Variants in CPNE8 observed in about 807,000 individuals in gnomAD.
The protein encoded by CPNE8 is copine-8.
Under a neutral mutation model 81.5 loss-of-function variants are expected in CPNE8, and 45 were observed. That is an observed-to-expected ratio of 0.55 (90% CI 0.44 to 0.71). The LOEUF (loss-of-function observed/expected upper bound fraction) is 0.71. CPNE8 is among the 30% of genes least tolerant of loss of function. The pLI is 0.00. For missense variants in CPNE8, 594 were observed against 672.1 expected (o/e 0.88, Z 1.28); for synonymous variants, 252 against 226.3 (o/e 1.11, Z -1.02).
At chr12:38,694,392 T>G (rs1181919302) in intron 14 of CPNE8, among the ~76,000 whole-genome samples, 1 of 152,194 alleles carries the variant, frequency 6.6e-6, no homozygotes, top group Non-Finnish European at 1.5e-5. Flanking sequence ...AATGAGACAT[T>G]AAGCTAGGAG....
At chr12:38,756,474 C>T in intron 10 of CPNE8, among the ~76,000 whole-genome samples, 1 of 151,594 alleles carries the variant, frequency 6.6e-6, no homozygotes, top group Admixed American at 6.6e-5. Flanking sequence ...CTGCCTCAGT[C>T]TCCCGAGTAG....
chr12:38,807,947 T>A (rs987167157), intron 6 of CPNE8, among the ~76,000 whole-genome samples: 2 of 151,852 alleles, frequency 1.3e-5, no homozygotes, highest in African/African-American at 4.8e-5. Context: ...GCAAAGGATA[T>A]GAACAGACAC....
chr12:38,798,617 A>C (rs1942567674), intron 6 of CPNE8, among the ~76,000 whole-genome samples: 2 of 152,176 alleles, frequency 1.3e-5, no homozygotes, highest in South Asian at 4.1e-4. Flanking sequence ...AAGACCATCG[A>C]GACTAGGAAG....
chr12:38,849,720 C>G (rs183759218), intron 3 of CPNE8, among the ~76,000 whole-genome samples: 1 of 152,194 alleles, frequency 6.6e-6, no homozygotes, highest in Non-Finnish European at 1.5e-5. Context: ...TTTTATATCA[C>G]AGACCAATAT....
chr12:38,740,319 A>G (rs1364779402), intron 10 of CPNE8, among the ~76,000 whole-genome samples: 1 of 152,170 alleles, frequency 6.6e-6, no homozygotes, highest in Non-Finnish European at 1.5e-5. Flanking sequence ...GAGGTTTTCT[A>G]GATATACAGT....
At chr12:38,683,107 T>G (rs1327833828) in intron 16 of CPNE8, among the ~76,000 whole-genome samples, 1 of 152,126 alleles carries the variant, frequency 6.6e-6, no homozygotes, top group African/African-American at 2.4e-5. Context: ...TGTTACCTCA[T>G]TAATATTACC....
rs1005206440 is a variant in CPNE8, at chr12:38,652,808, T to C, written c.*1074A>G. ...GGACAGGCAGGTCAGTATATAGGAG[T>C]AGGTTATTTCACAAATGTGTTGTGC... On this transcript the variant is annotated 3_prime_UTR_variant, in exon 20 of 20. Transcript: ENST00000331366. 3.3e-5 allele frequency: 5 copies of C among 152,428 alleles called. No homozygotes were observed. Among genetic ancestry groups the C allele is most frequent in the African/African-American group, 1.2e-4 (5 of 41,416 alleles). 9.4% of individuals were successfully genotyped at this position (152,428 alleles called of 1,614,324 possible).
intron 19 of CPNE8, among the ~76,000 whole-genome samples, chr12:38,659,607 C>T (rs1254622864): frequency 6.6e-6 from 1 of 152,194 alleles, no homozygotes; most frequent in African/African-American, 2.4e-5. Flanking sequence ...CTTCTCAGCA[C>T]CACATCGCAC....
chr12:38,728,375 C>A (rs1488060088), intron 11 of CPNE8, among the ~76,000 whole-genome samples: 2 of 151,898 alleles, frequency 1.3e-5, no homozygotes, highest in South Asian at 2.1e-4. Flanking sequence ...CAGAAAATAT[C>A]AAAAATGAAT....
chr12:38,773,498 A>T lies in CPNE8; in HGVS notation c.471+2740T>A, dbSNP rs1420094059. 1.6e-4 allele frequency among the ~76,000 whole-genome samples: 25 copies of T among 152,008 alleles called. 1 individual carries two copies. The highest frequency in any genetic ancestry group is 4.4e-5 in the Non-Finnish European group (3 of 67,930). On this transcript the variant is annotated intron_variant, in intron 7 of 19. Transcript: ENST00000331366. ...CCAATTATACCTAATAAACTGGTTT[A>T]AAAAAATTGTCATTTTACAAATGCA...
At chr12:38,665,773 G>A (rs1412908268) in intron 19 of CPNE8, among the ~76,000 whole-genome samples, 4 of 152,096 alleles carry the variant, frequency 2.6e-5, no homozygotes, top group South Asian at 2.1e-4. Context: ...AAGCCTTTAC[G>A]TATATTGACT....
At chr12:38,760,969 T>C in intron 9 of CPNE8, 81 bp from the exon 10 acceptor site, 2 of 1,107,000 alleles carry the variant, frequency 1.8e-6, no homozygotes, top group Non-Finnish European at 2.6e-6. Context: ...AAATAAGTTG[T>C]TTTTCTTAGA....
chr12:38,760,192 C>A (rs1941543836), intron 10 of CPNE8, among the ~76,000 whole-genome samples: 1 of 151,958 alleles, frequency 6.6e-6, no homozygotes, highest in African/African-American at 2.4e-5. Context: ...CAGTCTAGGG[C>A]AAAATGGGAT....
At chr12:38,838,197 T>C (rs887561595) in intron 5 of CPNE8, among the ~76,000 whole-genome samples, 2 of 152,124 alleles carry the variant, frequency 1.3e-5, no homozygotes, top group African/African-American at 2.4e-5. Context: ...ACAGAAACTA[T>C]ATTCAGGGAG....
intron 7 of CPNE8, among the ~76,000 whole-genome samples, chr12:38,771,426 A>G (rs1361535386): frequency 6.6e-6 from 1 of 152,136 alleles, no homozygotes; most frequent in African/African-American, 2.4e-5. Context: ...AAATTGTGCC[A>G]CTGCACTTCA....
At chr12:38,773,711 AAAT>A (rs1941859620) in intron 7 of CPNE8, among the ~76,000 whole-genome samples, 1 of 152,162 alleles carries the variant, frequency 6.6e-6, no homozygotes, top group African/African-American at 2.4e-5. Flanking sequence ...TCAACATTAT[AAAT>A]AATAATGCCC....
chr12:38,854,516 A>C (rs372048163), intron 3 of CPNE8, among the ~76,000 whole-genome samples: 13 of 151,648 alleles, frequency 8.6e-5, no homozygotes, highest in African/African-American at 2.9e-4. Flanking sequence ...CAGGTGCAAA[A>C]ATCTTGAACA....
Position 38,723,832 on chromosome 12 carries a change from A to G in CPNE8, c.854T>C (p.Val285Ala), listed in dbSNP as rs750850186. ...KKKKYTNSGT[V>A]TLLSFLVETE... ...TTCTACCAAGAAAGAGAGTAAAGTT[A>G]CCTGAAAAAGAAAAAGACAGAATTA... The change falls in exon 13 of 20, where the codon GTA (valine) becomes GCA (alanine). Residue 285 changes from valine (V) to alanine (A), a missense_variant and splice_region_variant. Coordinates refer to ENST00000331366, the MANE Select transcript of CPNE8 (RefSeq NM_153634.3). 1.9e-6 allele frequency: 3 copies of G among 1,567,270 alleles called. No individual in the cohort carries two copies. Among genetic ancestry groups the G allele is most frequent in the Non-Finnish European group, 2.6e-6 (3 of 1,139,996 alleles).
At chr12:38,689,134 G>A (rs1210402016) in intron 15 of CPNE8, among the ~76,000 whole-genome samples, 5 of 152,128 alleles carry the variant, frequency 3.3e-5, no homozygotes, top group Non-Finnish European at 7.4e-5. Context: ...TATTAATGAA[G>A]AGGGCAATGG....
Sources: allele counts gnomAD v4.1 joint callset (sites outside exome capture counted in the v4.1 genomes callset), GRCh38; gene constraint gnomAD v4.1.1; transcripts MANE v1.5; gene names NCBI Gene and HGNC (gene_info 2026-07-23, HGNC 2026-07-21).